MYO18B: variants seen among roughly 807,000 people sequenced by gnomAD.
MYO18B encodes unconventional myosin-XVIIIb.
MYO18B carries 204 observed loss-of-function variants against 273.0 expected under a neutral mutation model. That is an observed-to-expected ratio of 0.75 (90% CI 0.67 to 0.84). The LOEUF is 0.84. Ranked by LOEUF, MYO18B falls within the 40% of genes least tolerant of loss-of-function variation. MYO18B has a pLI of 0.00. For synonymous variants in MYO18B, 1,330 were observed against 1,305.7 expected (o/e 1.02, Z -0.40); for missense variants, 3,212 against 3,287.6 (o/e 0.98, Z 0.56).
chr22:25,849,590 T>C (rs1017351051), intron 20 of MYO18B, among the ~76,000 whole-genome samples: 3 of 152,210 alleles, frequency 2.0e-5, no homozygotes, highest in African/African-American at 4.8e-5. Context: ...TCATTTTTGC[T>C]GTGCTAAAGG....
Position 25,772,511 on chromosome 22 carries a change from G to A in MYO18B, c.1869+1G>A. ...GCCCTCGGTGCCTTCTGCAGGGAAG[G>A]TGAGGTGGGACCATTGTGGGCAGGG... is the stretch of plus-strand genomic sequence containing the variant. On this transcript the variant is annotated splice_donor_variant, in intron 7 of 43. Coordinates refer to ENST00000335473, the MANE Select transcript of MYO18B (RefSeq NM_032608.7). LOFTEE classifies it high-confidence loss of function. 1 of 1,613,200 alleles carries A rather than the reference G, an allele frequency of 6.2e-7. No homozygotes were observed. Among genetic ancestry groups the A allele is most frequent in the South Asian group, 1.1e-5 (1 of 91,020 alleles).
rs183104922 is a variant in MYO18B at position 26,006,527 on chromosome 22, G to A, written c.6470+1672G>A. ...TAGAAAGCATAATCTATAGGAAAAC[G>A]TATACAATGTATAGTTTTTAAAGTC... On this transcript the variant is annotated intron_variant, in intron 42 of 43. Coordinates refer to ENST00000335473, the MANE Select transcript of MYO18B (RefSeq NM_032608.7). The A allele has an allele frequency of 9.4e-4, 237 of 252,614 alleles. 6 individuals carry two copies. The South Asian group carries it at 0.012, about 13-fold the overall frequency. The allele number at this position is 252,614 out of a possible 1,614,324, so 15.6% of individuals were successfully genotyped here.
rs183745252 is a variant in MYO18B, at chr22:25,833,590, C to G, written c.3060+593C>G. Among the ~76,000 whole-genome samples the G allele has an allele frequency of 2.6e-5, 4 of 152,284 alleles. No individual in the cohort carries two copies. In the East Asian group the frequency reaches 7.7e-4, roughly 29 times the overall value. On this transcript the variant is annotated intron_variant, in intron 16 of 43. Transcript: ENST00000335473. ...CAATTTCACTTGATTTTTTTGTCTT[C>G]CTCTTCACATTTTATTACAAAAGTG... is the stretch of plus-strand genomic sequence containing the variant.
intron 11 of MYO18B, among the ~76,000 whole-genome samples, chr22:25,789,520 C>T (rs113906512): frequency 0.025 from 3,872 of 151,928 alleles, 87 homozygotes; most frequent in East Asian, 0.094. Context: ...CCTGTAATCC[C>T]ATCTACTTGG....
Position 25,768,514 on chromosome 22 carries a change from T to G in MYO18B, c.598T>G (p.Cys200Gly). Residue 200 changes from cysteine to glycine, a missense_variant, in exon 4 of 44, where the codon TGT (cysteine) becomes GGT (glycine). Cys to Gly is a radical substitution (Grantham distance 159). Transcript: ENST00000335473. ...GAAAGGGGAGACCTCTAGGACTCCTTGTGGCTCCCAGGCCAGCACCGAGAT... is the reference window on the plus strand; with the variant it reads ...GAAAGGGGAGACCTCTAGGACTCCTGGTGGCTCCCAGGCCAGCACCGAGAT... ...EKKGETSRTP[C>G]GSQASTEILA... The G allele has an allele frequency of 6.3e-7, 1 of 1,582,166 alleles. No individual in the cohort carries two copies. Among genetic ancestry groups the G allele is most frequent in the Non-Finnish European group, 8.6e-7 (1 of 1,165,362 alleles).
At chr22:25,881,255 A>G (rs1403470153) in intron 25 of MYO18B, among the ~76,000 whole-genome samples, 1 of 152,264 alleles carries the variant, frequency 6.6e-6, no homozygotes, top group Non-Finnish European at 1.5e-5. Flanking sequence ...GGAGTTGGCC[A>G]CGGAGAAGGC....
intron 34 of MYO18B, among the ~76,000 whole-genome samples, chr22:25,936,782 T>C (rs2092583944): frequency 6.6e-6 from 1 of 152,128 alleles, no homozygotes; most frequent in South Asian, 2.1e-4. Context: ...ACAAATGCCT[T>C]CTCTCTGTGT....
intron 39 of MYO18B, among the ~76,000 whole-genome samples, chr22:25,960,534 G>A (rs1243221083): frequency 6.6e-6 from 1 of 152,136 alleles, no homozygotes; most frequent in Non-Finnish European, 1.5e-5. Flanking sequence ...AGTTCCCCAG[G>A]TCTTGAAAAA....
intron 39 of MYO18B, among the ~76,000 whole-genome samples, chr22:25,957,937 CAG>C (rs1237908642): frequency 1.8e-4 from 20 of 109,250 alleles, no homozygotes; most frequent in African/African-American, 6.7e-4. Context: ...TTTTTGGAAA[CAG>C]AGTCTTGCTC....
intron 12 of MYO18B, among the ~76,000 whole-genome samples, chr22:25,809,932 A>G (rs563818124): frequency 1.3e-5 from 2 of 152,038 alleles, no homozygotes; most frequent in South Asian, 4.2e-4. Flanking sequence ...TAAAGCAATC[A>G]TATGAGGAAT....
chr22:25,818,502 G>C (rs574311179), intron 12 of MYO18B, among the ~76,000 whole-genome samples: 29 of 152,290 alleles, frequency 1.9e-4, no homozygotes, highest in African/African-American at 7.0e-4. Flanking sequence ...GTGAGATGAG[G>C]CATGGAAAGC....
At position 25,843,817 on chromosome 22, in the gene MYO18B, C is replaced by CCTCACGGGCTG; in HGVS notation, c.3292_3302dup (p.Trp1101CysfsTer64). On this transcript the variant is annotated frameshift_variant, in exon 18 of 44. Transcript: ENST00000335473. LOFTEE classifies it high-confidence loss of function. Reference sequence around the variant, plus strand: ...TGGGATGGGACCCTGTGCGGTACGACCTCACGGGCTGGCTCCACAGAGCCA... The same window carrying CCTCACGGGCTG: ...TGGGATGGGACCCTGTGCGGTACGACCTCACGGGCTGCTCACGGGCTGGCTCCACAGAGCCA... 6.2e-7 allele frequency: 1 copy of CCTCACGGGCTG among 1,613,872 alleles called. No homozygotes were observed. The highest frequency in any genetic ancestry group is 8.5e-7 in the Non-Finnish European group (1 of 1,179,766).
chr22:26,060,049 A>G, the MYO18B span, among the ~76,000 whole-genome samples: 2 of 152,238 alleles, frequency 1.3e-5, no homozygotes, highest in East Asian at 3.8e-4. Context: ...CCTTGTGATC[A>G]GTGCAGTACA....
At chr22:25,911,731 A>G (rs2092162937) in intron 33 of MYO18B, among the ~76,000 whole-genome samples, 1 of 152,150 alleles carries the variant, frequency 6.6e-6, no homozygotes, top group African/African-American at 2.4e-5. Flanking sequence ...AAAAATTTCT[A>G]CAGACATTGC....
intron 39 of MYO18B, among the ~76,000 whole-genome samples, chr22:25,991,949 C>T (rs1000164606): frequency 2.0e-5 from 3 of 152,194 alleles, no homozygotes; most frequent in Non-Finnish European, 4.4e-5. Flanking sequence ...CCATGACCTC[C>T]TGCACCAGAT....
At position 25,795,513 on chromosome 22, in the gene MYO18B, T is replaced by A. The variant is rs146558456; in HGVS notation, c.2377-2440T>A. 8.8e-3 allele frequency among the ~76,000 whole-genome samples: 1,347 copies of A among 152,332 alleles called. 13 individuals carry two copies. Among genetic ancestry groups the A allele is most frequent in the Non-Finnish European group, 0.012 (841 of 68,028 alleles). ...AATCCTTCTGTAATTTAAAGTCAAA[T>A]GCTCATAGGCCACAGTGGGAGCCAT... On this transcript the variant is annotated intron_variant, in intron 11 of 43. Transcript: ENST00000335473.
chr22:25,839,892 G>A (rs1273254384), intron 17 of MYO18B, among the ~76,000 whole-genome samples: 1 of 152,214 alleles, frequency 6.6e-6, no homozygotes, highest in African/African-American at 2.4e-5. Context: ...GGTTCTGTAG[G>A]ATGGCAGTCC....
chr22:25,743,106 C>T (rs1212380812), intron 1 of MYO18B, among the ~76,000 whole-genome samples: 1 of 152,248 alleles, frequency 6.6e-6, no homozygotes, highest in Non-Finnish European at 1.5e-5. Context: ...GGAGCCCAGT[C>T]GGCTCCCAGT....
chr22:25,966,638 C>T (rs1471791971), intron 39 of MYO18B, among the ~76,000 whole-genome samples: 1 of 152,150 alleles, frequency 6.6e-6, no homozygotes, highest in African/African-American at 2.4e-5. Context: ...TCCTTTTAAT[C>T]CCTACTCCTA....
Sources: allele counts gnomAD v4.1 joint callset (sites outside exome capture counted in the v4.1 genomes callset), GRCh38; gene constraint gnomAD v4.1.1; transcripts MANE v1.5; gene names NCBI Gene and HGNC (gene_info 2026-07-23, HGNC 2026-07-21).